Variants in KCNMB2 observed in about 807,000 individuals in gnomAD.
The protein encoded by KCNMB2 is calcium-activated potassium channel subunit beta-2.
In KCNMB2, 9 loss-of-function variants were observed where a neutral mutation model predicts 24.5. That is an observed-to-expected ratio of 0.37 (90% CI 0.22 to 0.64). The LOEUF is 0.64. Among genes scored for constraint, KCNMB2 ranks in the 30% least tolerant of loss-of-function variants. KCNMB2 has a pLI of 0.63. For missense variants in KCNMB2, 226 were observed against 284.3 expected (o/e 0.79, Z 1.47); for synonymous variants, 109 against 104.4 (o/e 1.04, Z -0.27).
At chr3:178,537,258 T>A (rs1338460816) in intron 1 of KCNMB2, 1 of 152,184 alleles carries the variant, frequency 6.6e-6, no homozygotes, top group Non-Finnish European at 1.5e-5. Flanking sequence ...GAAAATTGGG[T>A]ACCTTCGTCC....
chr3:178,659,730 A>G (rs1475484914), intron 1 of KCNMB2, among the ~76,000 whole-genome samples: 2 of 152,196 alleles, frequency 1.3e-5, no homozygotes, highest in Non-Finnish European at 2.9e-5. Flanking sequence ...AATAAAATGA[A>G]TAACTCCTAT....
intron 3 of KCNMB2, 56 bp from the exon 4 acceptor site, chr3:178,828,122 A>G (rs1259986700): frequency 2.8e-5 from 36 of 1,286,872 alleles, no homozygotes; most frequent in Non-Finnish European, 4.0e-5. Context: ...CTCGGACTAT[A>G]CCTTTCTCAC....
intron 1 of KCNMB2, chr3:178,801,927 G>C (rs990009610): frequency 6.6e-6 from 1 of 152,170 alleles, no homozygotes; most frequent in Non-Finnish European, 1.5e-5. Flanking sequence ...CAGTACCTAG[G>C]ACAGTGCCTG....
At chr3:178,588,411 A>G (rs1002117049) in intron 1 of KCNMB2, among the ~76,000 whole-genome samples, 2 of 152,102 alleles carry the variant, frequency 1.3e-5, no homozygotes, top group African/African-American at 4.8e-5. Context: ...ACTCTGCCTT[A>G]AGAGAGTGTT....
intron 1 of KCNMB2, among the ~76,000 whole-genome samples, chr3:178,608,534 C>A (rs570972531): frequency 4.2e-4 from 64 of 152,292 alleles, no homozygotes; most frequent in Non-Finnish European, 8.1e-4. Flanking sequence ...GAGTTACAAA[C>A]AATCCAATTA....
At chr3:178,559,388 G>T (rs1716234964) in intron 1 of KCNMB2, among the ~76,000 whole-genome samples, 1 of 151,632 alleles carries the variant, frequency 6.6e-6, no homozygotes. Context: ...TTTTTTCTCA[G>T]CCTTTCAAAT....
chr3:178,586,999 C>G (rs559252324), intron 1 of KCNMB2, among the ~76,000 whole-genome samples: 8 of 151,882 alleles, frequency 5.3e-5, no homozygotes, highest in African/African-American at 1.9e-4. Context: ...TTTTGGATAC[C>G]AAAAAGGAAT....
chr3:178,757,642 A>T (rs191767210), intron 1 of KCNMB2, among the ~76,000 whole-genome samples: 1 of 48,476 alleles, frequency 2.1e-5, no homozygotes, highest in Non-Finnish European at 3.8e-5. Context: ...ATGTATATAT[A>T]TCCAAGAGGA....
intron 1 of KCNMB2, among the ~76,000 whole-genome samples, chr3:178,663,323 A>G (rs901904095): frequency 1.3e-3 from 192 of 152,252 alleles, no homozygotes; most frequent in African/African-American, 4.5e-3. Flanking sequence ...TCACTGTAGT[A>G]ATAAGATATG....
At chr3:178,796,698 G>A (rs1713557183) in intron 1 of KCNMB2, among the ~76,000 whole-genome samples, 1 of 151,938 alleles carries the variant, frequency 6.6e-6, no homozygotes, top group African/African-American at 2.4e-5. Flanking sequence ...AAATTTTATT[G>A]AAATAAAAAT....
intron 1 of KCNMB2, among the ~76,000 whole-genome samples, chr3:178,713,104 C>T (rs371053617): frequency 5.9e-5 from 9 of 152,308 alleles, no homozygotes; most frequent in South Asian, 2.1e-4. Context: ...TCTTATACCA[C>T]GCTCAGTCTC....
rs540936785 is a variant in KCNMB2 at position 178,602,744 on chromosome 3, C to T, written c.-68+66033C>T. Among the ~76,000 whole-genome samples, 4 of 152,194 alleles carry T rather than the reference C, an allele frequency of 2.6e-5. No individual in the cohort carries two copies. The South Asian group carries it at 8.3e-4, about 32-fold the overall frequency. Reference sequence around the variant, plus strand: ...GACAAGTATGAAGTGAGTGGGTTGACGTTGGTGAGGTTCTCATATTTTACA... The same window carrying T: ...GACAAGTATGAAGTGAGTGGGTTGATGTTGGTGAGGTTCTCATATTTTACA... On this transcript the variant is annotated intron_variant, in intron 1 of 4. Transcript: ENST00000452583.
At chr3:178,682,022 C>T (rs919509713) in intron 1 of KCNMB2, among the ~76,000 whole-genome samples, 19 of 152,202 alleles carry the variant, frequency 1.2e-4, no homozygotes, top group Middle Eastern at 3.4e-3. Flanking sequence ...CTCATTTTTT[C>T]TCAAAGCCTG....
At chr3:178,707,044 T>C (rs6443565) in intron 1 of KCNMB2, among the ~76,000 whole-genome samples, 49,752 of 151,856 alleles carry the variant, frequency 0.33, 8,872 homozygotes, top group African/African-American at 0.47. Flanking sequence ...AGAAAAAAAG[T>C]AAAGAATACT....
intron 1 of KCNMB2, among the ~76,000 whole-genome samples, chr3:178,761,293 C>T (rs1195049142): frequency 6.6e-6 from 1 of 152,150 alleles, no homozygotes; most frequent in Non-Finnish European, 1.5e-5. Flanking sequence ...GCAATAGTAG[C>T]ATTGTGCATT....
chr3:178,703,628 A>C (rs1373982364), intron 1 of KCNMB2, among the ~76,000 whole-genome samples: 4 of 152,226 alleles, frequency 2.6e-5, no homozygotes, highest in Admixed American at 2.6e-4. Context: ...TACTCAGCTA[A>C]TGCTGGACCA....
chr3:178,689,011 CTT>C (rs1384995205), intron 1 of KCNMB2, among the ~76,000 whole-genome samples: 1 of 152,104 alleles, frequency 6.6e-6, no homozygotes, highest in Non-Finnish European at 1.5e-5. Context: ...AGAAACTAAA[CTT>C]ATCATCAGTT....
intron 1 of KCNMB2, among the ~76,000 whole-genome samples, chr3:178,747,745 C>T (rs931371179): frequency 9.2e-5 from 14 of 152,180 alleles, no homozygotes; most frequent in African/African-American, 2.9e-4. Context: ...ATCCTAACTT[C>T]GGCTCACCAA....
intron 1 of KCNMB2, among the ~76,000 whole-genome samples, chr3:178,699,596 C>A (rs905041802): frequency 9.2e-5 from 14 of 152,184 alleles, no homozygotes; most frequent in African/African-American, 2.4e-4. Flanking sequence ...GCTGGCATGA[C>A]CAGGCTGGGG....
Sources: allele counts gnomAD v4.1 joint callset (sites outside exome capture counted in the v4.1 genomes callset), GRCh38; gene constraint gnomAD v4.1.1; transcripts MANE v1.5; gene names NCBI Gene and HGNC (gene_info 2026-07-23, HGNC 2026-07-21).